The following VSTM4 variants were observed in gnomAD, a reference collection of about 807,000 sequenced individuals.
The protein encoded by VSTM4 is V-set and transmembrane domain containing 4.
In VSTM4, 20 loss-of-function variants were observed where a neutral mutation model predicts 36.4. The observed-to-expected ratio is 0.55, with a 90% CI of 0.39 to 0.80. The LOEUF is 0.80. Ranked by LOEUF, VSTM4 falls within the 30% of genes least tolerant of loss-of-function variation. The pLI is 0.00. For synonymous variants in VSTM4, 182 were observed against 173.9 expected (o/e 1.05, Z -0.37); for missense variants, 392 against 404.5 (o/e 0.97, Z 0.26).
At chr10:49,055,808 AAC>A (rs1157904806) in intron 5 of VSTM4, among the ~76,000 whole-genome samples, 3 of 152,260 alleles carry the variant, frequency 2.0e-5, no homozygotes, top group African/African-American at 7.2e-5. Flanking sequence ...GACATGAGCC[AAC>A]CACATAGAAT....
chr10:49,026,185 C>T lies in VSTM4; in HGVS notation c.838-6410G>A, dbSNP rs532700423. Among the ~76,000 whole-genome samples, 50 of 152,302 alleles carry T rather than the reference C, an allele frequency of 3.3e-4. 1 individual carries two copies. Among genetic ancestry groups the T allele is most frequent in the African/African-American group, 1.1e-3 (46 of 41,556 alleles). On this transcript the variant is annotated intron_variant, in intron 7 of 7. Coordinates refer to ENST00000332853, the MANE Select transcript of VSTM4 (RefSeq NM_001031746.5). ...GAATGAAAACCAAGGCCAACCTGCT[C>T]AAGATGGTAGAGAAAACAGACCGAG...
intron 1 of VSTM4, among the ~76,000 whole-genome samples, chr10:49,108,495 C>G (rs530937331): frequency 6.8e-4 from 103 of 152,280 alleles, no homozygotes; most frequent in African/African-American, 2.4e-3. Flanking sequence ...AGGGCCCTCT[C>G]TCTGGTGGCC....
At chr10:49,072,699 G>A (rs547853297) in intron 4 of VSTM4, among the ~76,000 whole-genome samples, 12 of 152,318 alleles carry the variant, frequency 7.9e-5, no homozygotes, top group Admixed American at 4.6e-4. Flanking sequence ...TGGGGGGTAT[G>A]GCTACCTTGC....
Position 49,085,996 on chromosome 10 carries a change from G to T in VSTM4, c.485C>A (p.Ser162Ter). ...RVISLKASEE[S>*]SFEKTKETWA... is the part of the protein sequence containing the mutation. ...AGTCTCTTTTGTTTTCTCAAAGGAT[G>T]ACTCTTCAGAAGCTTTGAGGGAAAT... The change falls in exon 3 of 8, where the codon TCA becomes TAA. Residue 162 changes from serine to a stop codon, truncating the protein, a stop_gained. Transcript: ENST00000332853. LOFTEE classifies it high-confidence loss of function. 1.3e-6 allele frequency: 2 copies of T among 1,593,436 alleles called. No individual in the cohort carries two copies. Among genetic ancestry groups the T allele is most frequent in the South Asian group, 2.3e-5 (2 of 85,658 alleles).
chr10:49,099,643 C>A (rs1350638222), intron 2 of VSTM4, among the ~76,000 whole-genome samples: 2 of 152,226 alleles, frequency 1.3e-5, no homozygotes, highest in Admixed American at 6.5e-5. Flanking sequence ...CAGGATTTCT[C>A]ACCCAGTGAA....
chr10:49,107,915 A>G lies in VSTM4; in HGVS notation c.136T>C (p.Cys46Arg). The stretch of plus-strand genomic sequence containing the variant: ...TTCCGCCTTTTCTGGGAGACGTGGC[A>G]GAGGAGAGTGGCATTCTCCCCCTCC... Reference protein sequence around the residue: ...YLEGENATLLCHVSQKRRKDS... With the variant: ...YLEGENATLLRHVSQKRRKDS... The change falls in exon 2 of 8, where the codon TGC becomes CGC. Residue 46 changes from cysteine (C) to arginine (R), a missense_variant. Coordinates refer to ENST00000332853, the MANE Select transcript of VSTM4 (RefSeq NM_001031746.5). 1 of 1,613,884 alleles carries G rather than the reference A, an allele frequency of 6.2e-7. No homozygotes were observed.
intron 2 of VSTM4, among the ~76,000 whole-genome samples, chr10:49,100,878 A>G (rs1844654067): frequency 6.6e-6 from 1 of 152,174 alleles, no homozygotes; most frequent in South Asian, 2.1e-4. Flanking sequence ...CAAAGTTTTC[A>G]TTTAAATATA....
chr10:49,044,527 AAAAAG>A (rs1343517090), intron 7 of VSTM4, among the ~76,000 whole-genome samples: 6 of 102,814 alleles, frequency 5.8e-5, no homozygotes, highest in African/African-American at 1.0e-4. Flanking sequence ...AGAAAGAAAG[AAAAAG>A]AAAGAAAGAA....
chr10:49,065,106 A>C (rs1417244918), intron 4 of VSTM4, among the ~76,000 whole-genome samples: 1 of 152,238 alleles, frequency 6.6e-6, no homozygotes, highest in Non-Finnish European at 1.5e-5. Context: ...TAACGTGTCC[A>C]TTTAGAAGCT....
chr10:49,089,362 A>G (rs1222588647), intron 2 of VSTM4, among the ~76,000 whole-genome samples: 1 of 152,110 alleles, frequency 6.6e-6, no homozygotes, highest in Non-Finnish European at 1.5e-5. Flanking sequence ...CCTTTGCCTC[A>G]GGGGGTGACT....
chr10:49,103,754 C>T (rs1356150386), intron 2 of VSTM4: 2 of 1,613,814 alleles, frequency 1.2e-6, no homozygotes, highest in Non-Finnish European at 1.7e-6. Context: ...AAGAACTCTG[C>T]AGGAAGGAGG....
At chr10:49,080,263 T>C (rs532645427) in intron 3 of VSTM4, among the ~76,000 whole-genome samples, 51 of 152,330 alleles carry the variant, frequency 3.3e-4, no homozygotes, top group African/African-American at 1.1e-3. Flanking sequence ...GCAAGCCTAC[T>C]GGGAGTAGCA....
intron 7 of VSTM4, among the ~76,000 whole-genome samples, chr10:49,023,246 G>A (rs1357454294): frequency 1.3e-5 from 2 of 152,164 alleles, no homozygotes; most frequent in Non-Finnish European, 2.9e-5. Flanking sequence ...ATCAGTCCTT[G>A]GCATCTTTAA....
chr10:49,025,753 C>T (rs1043229049), intron 7 of VSTM4, among the ~76,000 whole-genome samples: 3 of 152,354 alleles, frequency 2.0e-5, no homozygotes, highest in East Asian at 1.9e-4. Context: ...GACCGGCACA[C>T]GGGCTAGCTG....
At chr10:49,020,539 A>G (rs1201580221) in intron 7 of VSTM4, among the ~76,000 whole-genome samples, 1 of 152,128 alleles carries the variant, frequency 6.6e-6, no homozygotes, top group Non-Finnish European at 1.5e-5. Flanking sequence ...GACATAAACA[A>G]AATGAAGGAA....
intron 2 of VSTM4, among the ~76,000 whole-genome samples, chr10:49,105,158 A>G (rs1720124993): frequency 6.7e-6 from 1 of 148,162 alleles, no homozygotes; most frequent in Non-Finnish European, 1.5e-5. Context: ...ACCAAAAGAC[A>G]AAGAGAGAGA....
intron 5 of VSTM4, among the ~76,000 whole-genome samples, chr10:49,061,393 C>T (rs1348180105): frequency 6.6e-6 from 1 of 152,106 alleles, no homozygotes; most frequent in Non-Finnish European, 1.5e-5. Context: ...CTCAATTGGG[C>T]ACCATTGGTT....
intron 7 of VSTM4, among the ~76,000 whole-genome samples, chr10:49,043,758 C>A (rs1843556966): frequency 6.6e-6 from 1 of 152,176 alleles, no homozygotes; most frequent in Non-Finnish European, 1.5e-5. Context: ...AAAATTGGAT[C>A]CATTTCTAAA....
chr10:49,029,246 G>C (rs1279334705), intron 7 of VSTM4, among the ~76,000 whole-genome samples: 3 of 152,128 alleles, frequency 2.0e-5, no homozygotes, highest in Admixed American at 2.0e-4. Context: ...GTGCTGATTG[G>C]CAAATTTATT....
Sources: allele counts gnomAD v4.1 joint callset (sites outside exome capture counted in the v4.1 genomes callset), GRCh38; gene constraint gnomAD v4.1.1; transcripts MANE v1.5; gene names NCBI Gene and HGNC (gene_info 2026-07-23, HGNC 2026-07-21).